The following POTEC variants were observed in gnomAD, a reference collection of about 807,000 sequenced individuals.
POTEC encodes POTE ankyrin domain family member C, also known as ANKRD26-like family B member 2.
A neutral mutation model predicts 62.0 loss-of-function variants in POTEC; 35 were observed. The ratio of observed to expected loss-of-function variants is 0.56; its 90% CI spans 0.43 to 0.75. The LOEUF (loss-of-function observed/expected upper bound fraction) is 0.75. Among genes scored for constraint, POTEC ranks in the 30% least tolerant of loss-of-function variants. The pLI is 0.00. For synonymous variants in POTEC, 156 were observed against 221.5 expected (o/e 0.70, Z 2.62); for missense variants, 472 against 655.9 (o/e 0.72, Z 3.06).
rs763791702 is a variant in POTEC at position 14,543,016 on chromosome 18, C to A, written c.131G>T (p.Gly44Val). ...CCKGSGKSNM[G>V]TSGDHDDSFM... Reference sequence around the variant, plus strand: ...GGAGTCGTCGTGGTCTCCAGAAGTGCCCATGTTGCTCTTGCCGCTCCCCTT... The same window carrying A: ...GGAGTCGTCGTGGTCTCCAGAAGTGACCATGTTGCTCTTGCCGCTCCCCTT... Residue 44 changes from glycine to valine, a missense_variant, in exon 1 of 11, where the codon GGC becomes GTC. By Grantham distance (109) the Gly-to-Val change is moderately radical. Coordinates refer to ENST00000358970, the MANE Select transcript of POTEC (RefSeq NM_001137671.2). The A allele has an allele frequency of 9.3e-6, 15 of 1,613,442 alleles. No homozygotes were observed. Among genetic ancestry groups the A allele is most frequent in the East Asian group, 2.2e-5 (1 of 44,842 alleles).
chr18:14,517,738 C>T (rs538383504), intron 9 of POTEC, among the ~76,000 whole-genome samples: 3 of 152,174 alleles, frequency 2.0e-5, no homozygotes, highest in East Asian at 1.9e-4. Flanking sequence ...GGCATGCCCC[C>T]GTAATCCCAG....
At chr18:14,529,446 C>T (rs1252778894) in intron 6 of POTEC, among the ~76,000 whole-genome samples, 1 of 152,106 alleles carries the variant, frequency 6.6e-6, no homozygotes, top group African/African-American at 2.4e-5. Flanking sequence ...ACATCTATTC[C>T]ATCTTTGTCT....
rs1175784663 is a variant in POTEC at position 14,543,288 on chromosome 18, A to C, written c.-142T>G. ...CCAGCCAAAACTTGCCAACCCCAGC[A>C]AGGGAGCCCAGTCCACCCCACCCAG... is the stretch of plus-strand genomic sequence containing the variant. On this transcript the variant is annotated 5_prime_UTR_variant, in exon 1 of 11. Transcript: ENST00000358970. 7.2e-7 allele frequency: 1 copy of C among 1,383,766 alleles called. No homozygotes were observed. The highest frequency in any genetic ancestry group is 9.8e-7 in the Non-Finnish European group (1 of 1,022,090). The allele number at this position is 1,383,766 out of a possible 1,614,324, so 85.7% of individuals were successfully genotyped here.
At chr18:14,519,700 G>C (rs1428987189) in intron 9 of POTEC, among the ~76,000 whole-genome samples, 1 of 152,114 alleles carries the variant, frequency 6.6e-6, no homozygotes, top group Non-Finnish European at 1.5e-5. Context: ...CTGGGTGACA[G>C]AGCGAAACTC....
rs894476669 is a variant in POTEC at position 14,511,973 on chromosome 18, T to C, written c.1554A>G (p.Lys518=). The C allele has an allele frequency of 5.0e-6, 8 of 1,613,434 alleles. No homozygotes were observed. The highest frequency in any genetic ancestry group is 1.3e-5 in the African/African-American group (1 of 74,892). ...MNSELSLSHK[K]EEDLLRENSM... The stretch of plus-strand genomic sequence containing the variant: ...TGTTTTCACGCAAGAGATCTTCTTC[T>C]TTCTTATGACTAAGAGAAAGCTAAG... Residue 518 remains lysine (K), a synonymous_variant, in exon 11 of 11, where the codon AAA becomes AAG. Transcript: ENST00000358970.
intron 1 of POTEC, among the ~76,000 whole-genome samples, chr18:14,540,080 TAAACTA>T (rs1407923184): frequency 7.2e-6 from 1 of 137,998 alleles, no homozygotes; most frequent in Non-Finnish European, 1.6e-5. Context: ...AATATATAAC[TAAACTA>T]AAATAATTAA....
chr18:14,538,017 T>C (rs777826083), intron 2 of POTEC, 43 bp from the exon 3 acceptor site: 4 of 1,602,234 alleles, frequency 2.5e-6, no homozygotes, highest in East Asian at 2.2e-5. Context: ...GTCCTAGGAA[T>C]TCAAAATAAC....
chr18:14,536,922 C>G (rs1174966023), intron 3 of POTEC, among the ~76,000 whole-genome samples: 1 of 151,866 alleles, frequency 6.6e-6, no homozygotes, highest in Admixed American at 6.6e-5. Context: ...AGAGTTGAGA[C>G]TCTAATTGGC....
chr18:14,537,978 T>C lies in POTEC; in HGVS notation c.637-4A>G. On this transcript the variant is annotated splice_polypyrimidine_tract_variant and splice_region_variant and intron_variant, in intron 2 of 10. Coordinates refer to ENST00000358970, the MANE Select transcript of POTEC (RefSeq NM_001137671.2). ...CATCTTCCTGGCATTGTACGGCCTG[T>C]CAGTATTAGACCAAAAACAAATTAT... The C allele has an allele frequency of 6.2e-7, 1 of 1,608,422 alleles. No individual in the cohort carries two copies. Among genetic ancestry groups the C allele is most frequent in the Non-Finnish European group, 8.5e-7 (1 of 1,179,190 alleles).
chr18:14,528,344 A>C (rs956714889), intron 6 of POTEC, among the ~76,000 whole-genome samples: 3 of 152,024 alleles, frequency 2.0e-5, no homozygotes, highest in Non-Finnish European at 4.4e-5. Context: ...GTCTATTGGG[A>C]TATTTATTAT....
chr18:14,508,395 C>A lies in POTEC; in HGVS notation c.*3503G>T, dbSNP rs1473960518. ...TGCACATGAGATGGAGCTGGTCTGA[C>A]CTCAGCCCTCCCTAGTCTGCTTGCC... On this transcript the variant is annotated 3_prime_UTR_variant, in exon 11 of 11. Coordinates refer to ENST00000358970, the MANE Select transcript of POTEC (RefSeq NM_001137671.2). The A allele has an allele frequency of 6.6e-6, 1 of 152,554 alleles. No homozygotes were observed. Among genetic ancestry groups the A allele is most frequent in the Admixed American group, 6.6e-5 (1 of 15,264 alleles). 9.5% of individuals were successfully genotyped at this position (152,554 alleles called of 1,614,324 possible). A position where few individuals can be genotyped will look rare whatever the true frequency, so the allele number is the denominator to read the frequency against.
chr18:14,525,407 T>G (rs183984619), intron 6 of POTEC, among the ~76,000 whole-genome samples: 104 of 151,978 alleles, frequency 6.8e-4, no homozygotes, highest in Non-Finnish European at 1.3e-3. Flanking sequence ...AGGTCGTGGT[T>G]ACCCTGTCTG....
chr18:14,517,549 ATT>A (rs753938887), intron 9 of POTEC, among the ~76,000 whole-genome samples: 4 of 51,172 alleles, frequency 7.8e-5, no homozygotes, highest in South Asian at 5.8e-4. Flanking sequence ...TGCCACCCTA[ATT>A]TTTTTTTTTT....
intron 1 of POTEC, among the ~76,000 whole-genome samples, chr18:14,539,083 T>G (rs1028833944): frequency 1.3e-5 from 2 of 152,136 alleles, no homozygotes; most frequent in African/African-American, 4.8e-5. Flanking sequence ...ATTTCTTACT[T>G]TGGTTTTCAA....
chr18:14,530,380 C>T (rs189223324), intron 6 of POTEC, 103 bp downstream of exon 6: 1 of 1,559,508 alleles, frequency 6.4e-7, no homozygotes, highest in African/African-American at 1.4e-5. Context: ...CCATCCCCAC[C>T]TTCCCCCAGC....
intron 8 of POTEC, among the ~76,000 whole-genome samples, chr18:14,523,107 T>A (rs1910351444): frequency 6.6e-6 from 1 of 151,990 alleles, no homozygotes; most frequent in Non-Finnish European, 1.5e-5. Flanking sequence ...TATACAATTT[T>A]CCAGCTGGAA....
In POTEC at chr18:14,543,442, A is replaced by G; in HGVS notation, c.-296T>C. ...GTCAAGGGAATGCCAAACCCAGCAG[A>G]GAAAAAGTCAAGCCCAGCAAAGGAA... On this transcript the variant is annotated 5_prime_UTR_variant, in exon 1 of 11. Coordinates refer to ENST00000358970, the MANE Select transcript of POTEC (RefSeq NM_001137671.2). 1.8e-6 allele frequency: 1 copy of G among 568,574 alleles called. No homozygotes were observed. Among genetic ancestry groups the G allele is most frequent in the South Asian group, 2.2e-5 (1 of 45,528 alleles). 35.2% of individuals were successfully genotyped at this position (568,574 alleles called of 1,614,324 possible). A position where few individuals can be genotyped will look rare whatever the true frequency, so the allele number is the denominator to read the frequency against.
At chr18:14,524,600 T>G (rs1910389408) in intron 7 of POTEC, among the ~76,000 whole-genome samples, 1 of 152,118 alleles carries the variant, frequency 6.6e-6, no homozygotes, top group African/African-American at 2.4e-5. Flanking sequence ...AGATTAGCTA[T>G]AAGCTAATCA....
rs1231904999 is a variant in POTEC, at chr18:14,542,854, A to C, written c.293T>G (p.Met98Arg). Reference sequence around the variant, plus strand: ...GAAGCAGTGACAGCACCACTTGCCCATCTTGCTCCTGAGCGTCTTCATAAA... The same window carrying C: ...GAAGCAGTGACAGCACCACTTGCCCCTCTTGCTCCTGAGCGTCTTCATAAA... ...NSFMKTLRSK[M>R]GKWCCHCFPC... Residue 98 changes from methionine to arginine, a missense_variant, in exon 1 of 11, where the codon ATG (methionine) becomes AGG (arginine). Transcript: ENST00000358970. 1 of 1,308,074 alleles carries C rather than the reference A, an allele frequency of 7.6e-7. No homozygotes were observed. Among genetic ancestry groups the C allele is most frequent in the Non-Finnish European group, 1.1e-6 (1 of 937,466 alleles). 81.0% of individuals were successfully genotyped at this position (1,308,074 alleles called of 1,614,324 possible).
Sources: allele counts gnomAD v4.1 joint callset (sites outside exome capture counted in the v4.1 genomes callset), GRCh38; gene constraint gnomAD v4.1.1; transcripts MANE v1.5; gene names NCBI Gene and HGNC (gene_info 2026-07-23, HGNC 2026-07-21).